Variants in ARHGAP20 observed in about 807,000 individuals in gnomAD.
The protein encoded by ARHGAP20 is Rho GTPase activating protein 20.
ARHGAP20 carries 34 observed loss-of-function variants against 73.7 expected under a neutral mutation model. The ratio of observed to expected loss-of-function variants is 0.46; its 90% CI spans 0.35 to 0.61. The LOEUF is 0.61. Among genes scored for constraint, ARHGAP20 ranks in the 20% least tolerant of loss-of-function variants. ARHGAP20 has a pLI of 0.00. For missense variants in ARHGAP20, 1,314 were observed against 1,420.9 expected (o/e 0.92, Z 1.21); for synonymous variants, 523 against 518.2 (o/e 1.01, Z -0.13).
At chr11:110,609,151 C>T (rs1037766086) in intron 7 of ARHGAP20, 101 bp from the exon 8 acceptor site, 5 of 954,268 alleles carry the variant, frequency 5.2e-6, no homozygotes, top group African/African-American at 3.3e-5. Context: ...CCCTCCTGCC[C>T]CCTACCCAGT....
Position 110,584,841 on chromosome 11 carries a change from ATTCATATATATATATG to A in ARHGAP20, c.1416-1120_1416-1105del, listed in dbSNP as rs1319418920. Among the ~76,000 whole-genome samples, 11 of 144,478 alleles carry A rather than the reference ATTCATATATATATATG, an allele frequency of 7.6e-5. No individual in the cohort carries two copies. The East Asian group carries it at 2.4e-3, about 31-fold the overall frequency. 94.8% of individuals were successfully genotyped at this position (144,478 alleles called of 152,430 possible). ...TTGCAAATTCACTTTAGCATTTCTG[ATTCATATATATATATG>A]TGAATATATAAATGAATATATATGT... On this transcript the variant is annotated intron_variant, in intron 12 of 14. Coordinates refer to ENST00000683387, the MANE Select transcript of ARHGAP20 (RefSeq NM_001384657.1).
At chr11:110,687,333 C>T (rs1696313080) in intron 2 of ARHGAP20, among the ~76,000 whole-genome samples, 2 of 152,020 alleles carry the variant, frequency 1.3e-5, no homozygotes, top group South Asian at 4.2e-4. Flanking sequence ...CAAGGATGTG[C>T]CACTATGTCC....
At chr11:110,637,346 A>G (rs1428112778) in intron 2 of ARHGAP20, among the ~76,000 whole-genome samples, 1 of 152,140 alleles carries the variant, frequency 6.6e-6, no homozygotes, top group Non-Finnish European at 1.5e-5. Context: ...TAAAATAATT[A>G]GCACATGGTC....
intron 2 of ARHGAP20, among the ~76,000 whole-genome samples, chr11:110,689,036 T>C (rs1006017450): frequency 3.3e-5 from 5 of 151,298 alleles, no homozygotes; most frequent in African/African-American, 1.2e-4. Context: ...TCTCGCTCTG[T>C]GGCCCAGGCT....
chr11:110,683,065 G>A (rs1950066855), intron 2 of ARHGAP20, among the ~76,000 whole-genome samples: 1 of 152,088 alleles, frequency 6.6e-6, no homozygotes, highest in African/African-American at 2.4e-5. Flanking sequence ...AGGTGGAGAT[G>A]GAGATAGACA....
intron 2 of ARHGAP20, among the ~76,000 whole-genome samples, chr11:110,647,863 T>C (rs1431414875): frequency 6.6e-6 from 1 of 151,896 alleles, no homozygotes; most frequent in African/African-American, 2.4e-5. Flanking sequence ...AATTCTCCCC[T>C]ACAGTGCCAG....
intron 3 of ARHGAP20, among the ~76,000 whole-genome samples, chr11:110,624,876 C>T (rs562187415): frequency 1.3e-5 from 2 of 152,130 alleles, no homozygotes; most frequent in African/African-American, 2.4e-5. Context: ...TTCTATATGT[C>T]GAGCATTGCA....
In ARHGAP20 at chr11:110,611,886, C is replaced by A. The variant is rs188179536; in HGVS notation, c.631-500G>T. On this transcript the variant is annotated intron_variant, in intron 6 of 14. Coordinates refer to ENST00000683387, the MANE Select transcript of ARHGAP20 (RefSeq NM_001384657.1). The stretch of plus-strand genomic sequence containing the variant: ...CAGGATAATAACTGGTTACAAAAGA[C>A]ATTTAAAGCTTAGAATTTTAAAAAG... Among the ~76,000 whole-genome samples the A allele has an allele frequency of 2.4e-3, 359 of 152,278 alleles. 2 individuals carry two copies. Among genetic ancestry groups the A allele is most frequent in the Admixed American group, 5.3e-3 (81 of 15,300 alleles).
Position 110,578,234 on chromosome 11 carries a change from A to T in ARHGAP20, c.*1136T>A, listed in dbSNP as rs745573526. Reference sequence around the variant, plus strand: ...GGCAAAAATATGGAACAACGTCTGGAAGCAAAACCCAAAGCAAATGGCTGT... The same window carrying T: ...GGCAAAAATATGGAACAACGTCTGGTAGCAAAACCCAAAGCAAATGGCTGT... On this transcript the variant is annotated 3_prime_UTR_variant, in exon 15 of 15. Coordinates refer to ENST00000683387, the MANE Select transcript of ARHGAP20 (RefSeq NM_001384657.1). The T allele has an allele frequency of 3.7e-4, 365 of 985,362 alleles. No homozygotes were observed. Among genetic ancestry groups the T allele is most frequent in the Non-Finnish European group, 4.3e-4 (354 of 829,954 alleles). The allele number at this position is 985,362 out of a possible 1,614,324, so 61.0% of individuals were successfully genotyped here. A position where few individuals can be genotyped will look rare whatever the true frequency, so the allele number is the denominator to read the frequency against.
Position 110,586,316 on chromosome 11 carries a change from G to A in ARHGAP20, c.1315C>T (p.Arg439Ter), listed in dbSNP as rs751094122. 10 of 1,568,578 alleles carry A rather than the reference G, an allele frequency of 6.4e-6. No homozygotes were observed. The highest frequency in any genetic ancestry group is 4.1e-5 in the African/African-American group (3 of 72,910). Residue 439 changes from arginine (R) to a stop codon, truncating the protein, a stop_gained, in exon 12 of 15, where the codon CGA becomes TGA. Transcript: ENST00000683387. LOFTEE classifies it high-confidence loss of function. ...VIASVLKDFL[R>*]NIPGSIFSSD... The stretch of plus-strand genomic sequence containing the variant: ...GAAAAAATACTTCCTGGAATATTTC[G>A]CAGAAAATCCTTAAATAGATGGAAA...
At chr11:110,648,210 A>AATATATAT (rs1242747967) in intron 2 of ARHGAP20, among the ~76,000 whole-genome samples, 6 of 113,328 alleles carry the variant, frequency 5.3e-5, no homozygotes, top group African/African-American at 2.3e-4. Flanking sequence ...TATATATGTA[A>AATATATAT]ATATATATAT....
chr11:110,604,089 T>C (rs766360505), intron 9 of ARHGAP20, among the ~76,000 whole-genome samples: 4 of 152,176 alleles, frequency 2.6e-5, no homozygotes, highest in Non-Finnish European at 5.9e-5. Flanking sequence ...TCTCCTGTTA[T>C]GTAACACTTA....
intron 1 of ARHGAP20, among the ~76,000 whole-genome samples, chr11:110,705,682 A>T (rs1950540829): frequency 6.6e-6 from 1 of 152,188 alleles, no homozygotes; most frequent in South Asian, 2.1e-4. Context: ...TATGGACACA[A>T]AGTTTTTTCC....
chr11:110,618,072 C>A (rs907208961), intron 4 of ARHGAP20, among the ~76,000 whole-genome samples: 7 of 152,016 alleles, frequency 4.6e-5, no homozygotes, highest in Admixed American at 3.3e-4. Context: ...GTTTTTATAT[C>A]GGCAAAGATA....
chr11:110,695,174 T>A (rs969288838), intron 1 of ARHGAP20, among the ~76,000 whole-genome samples: 1 of 151,552 alleles, frequency 6.6e-6, no homozygotes, highest in Non-Finnish European at 1.5e-5. Flanking sequence ...GACCCTTACC[T>A]CAGACCATAT....
Position 110,609,576 on chromosome 11 carries a change from T to C in ARHGAP20, c.709-526A>G, listed in dbSNP as rs935242730. Among the ~76,000 whole-genome samples the C allele has an allele frequency of 2.0e-5, 3 of 152,184 alleles. No individual in the cohort carries two copies. In the East Asian group the frequency reaches 5.8e-4, roughly 29 times the overall value. ...GAAAGAAAGGACAAGAATTCTGTTC[T>C]AGAGAATAGGCCCAGTCATAGAAAA... is the stretch of plus-strand genomic sequence containing the variant. On this transcript the variant is annotated intron_variant, in intron 7 of 14. Coordinates refer to ENST00000683387, the MANE Select transcript of ARHGAP20 (RefSeq NM_001384657.1).
chr11:110,608,973 C>T lies in ARHGAP20; in HGVS notation c.775+11G>A. ...CAATCAATGCTATCTTAGACTTTTG[C>T]AAAAACTTACCAATGAGTGGGTATG... On this transcript the variant is annotated intron_variant, in intron 8 of 14. Transcript: ENST00000683387. 1.2e-6 allele frequency: 2 copies of T among 1,611,586 alleles called. No individual in the cohort carries two copies. The highest frequency in any genetic ancestry group is 1.7e-6 in the Non-Finnish European group (2 of 1,178,664).
intron 2 of ARHGAP20, among the ~76,000 whole-genome samples, chr11:110,661,398 T>C (rs1435653424): frequency 6.6e-6 from 1 of 152,138 alleles, no homozygotes; most frequent in Admixed American, 6.6e-5. Flanking sequence ...TGAATTAAGT[T>C]TGCAAGTTCA....
At chr11:110,699,925 GA>G (rs1950411710) in intron 1 of ARHGAP20, among the ~76,000 whole-genome samples, 1 of 151,902 alleles carries the variant, frequency 6.6e-6, no homozygotes, top group African/African-American at 2.4e-5. Flanking sequence ...TGCCTATGTA[GA>G]AAAATGAAGT....
Sources: allele counts gnomAD v4.1 joint callset (sites outside exome capture counted in the v4.1 genomes callset), GRCh38; gene constraint gnomAD v4.1.1; transcripts MANE v1.5; gene names NCBI Gene and HGNC (gene_info 2026-07-23, HGNC 2026-07-21).